The following LVRN variants were observed in gnomAD, a reference collection of about 807,000 sequenced individuals.
The protein encoded by LVRN is aminopeptidase Q.
In LVRN, 99 loss-of-function variants were observed where a neutral mutation model predicts 111.4. That is an observed-to-expected ratio of 0.89 (90% CI 0.76 to 1.05). The LOEUF (loss-of-function observed/expected upper bound fraction) is 1.05, where lower values mean the gene tolerates loss of function less well. LVRN is among the 50% of genes least tolerant of loss of function. The pLI, the probability that LVRN is intolerant of heterozygous loss-of-function variation, is 0.00. For synonymous variants in LVRN, 488 were observed against 449.5 expected, an observed-to-expected ratio of 1.09 and a Z score of -1.08; for missense variants, 1,414 against 1,206.8, an observed-to-expected ratio of 1.17 and a Z score of -2.54.
intron 13 of LVRN, among the ~76,000 whole-genome samples, chr5:116,008,114 G>T (rs1389854819): frequency 6.6e-6 from 1 of 152,126 alleles, no homozygotes; most frequent in Non-Finnish European, 1.5e-5. Flanking sequence ...GGCCGAGGCG[G>T]GTGGATCACG....
intron 1 of LVRN, among the ~76,000 whole-genome samples, chr5:115,969,182 T>C (rs1753267045): frequency 6.6e-6 from 1 of 152,236 alleles, no homozygotes; most frequent in African/African-American, 2.4e-5. Context: ...AGCCCTGGTT[T>C]ATCCTGTTTT....
chr5:116,023,837 T>C (rs943901001), intron 19 of LVRN, among the ~76,000 whole-genome samples: 2 of 152,170 alleles, frequency 1.3e-5, no homozygotes, highest in African/African-American at 4.8e-5. Flanking sequence ...GAATGTAACA[T>C]GGCACAAGCA....
In LVRN at chr5:116,015,722, G is replaced by A. The variant is rs138090918; in HGVS notation, c.2713G>A (p.Ala905Thr). 8.7e-6 allele frequency: 14 copies of A among 1,613,116 alleles called. No homozygotes were observed. Among genetic ancestry groups the A allele is most frequent in the Admixed American group, 3.3e-5 (2 of 59,928 alleles). ...TTCATCTGAAGTTGGCCGGTATGTC[G>A]CAAAAGACTTCTTAGTCAACAACTG... ...VASSEVGRYV[A>T]KDFLVNNWQA... The change falls in exon 18 of 20, where the codon GCA becomes ACA. Residue 905 changes from alanine (A) to threonine (T), a missense_variant. Transcript: ENST00000357872.
intron 1 of LVRN, among the ~76,000 whole-genome samples, chr5:115,968,432 C>T (rs891180111): frequency 1.6e-5 from 2 of 124,914 alleles, no homozygotes; most frequent in African/African-American, 6.3e-5. Context: ...CCTTAGTTCC[C>T]CACCCTTTTT....
intron 18 of LVRN, among the ~76,000 whole-genome samples, chr5:116,020,481 A>T (rs1017391189): frequency 1.3e-5 from 2 of 152,238 alleles, no homozygotes; most frequent in South Asian, 2.1e-4. Context: ...AACCTGTCCA[A>T]AATGAATCTT....
At chr5:116,021,864 A>G (rs1247787392) in intron 18 of LVRN, 13 of 346,634 alleles carry the variant, frequency 3.8e-5, no homozygotes, top group South Asian at 2.2e-4. Context: ...GACCACGCCT[A>G]TTGAAACAAG....
intron 1 of LVRN, among the ~76,000 whole-genome samples, chr5:115,971,444 T>G (rs1238669636): frequency 1.3e-5 from 2 of 152,122 alleles, no homozygotes. Context: ...ATGCCTTCTT[T>G]CAGAAGTTTT....
intron 19 of LVRN, among the ~76,000 whole-genome samples, chr5:116,024,374 ATATGATCCT>A (rs1418105234): frequency 6.6e-6 from 1 of 152,148 alleles, no homozygotes; most frequent in Non-Finnish European, 1.5e-5. Context: ...AAGGCCTGAA[ATATGATCCT>A]AAGCAAAAAA....
chr5:115,977,245 G>C (rs1200721940), intron 1 of LVRN, among the ~76,000 whole-genome samples: 1 of 152,142 alleles, frequency 6.6e-6, no homozygotes, highest in East Asian at 1.9e-4. Flanking sequence ...AATTCTAGCT[G>C]TCTAGGTGTC....
At position 115,981,350 on chromosome 5, in the gene LVRN, C is replaced by A. The variant is rs553563069; in HGVS notation, c.696-1937C>A. 1.4e-4 allele frequency among the ~76,000 whole-genome samples: 21 copies of A among 152,296 alleles called. No individual in the cohort carries two copies. The East Asian group carries it at 3.9e-3, about 28-fold the overall frequency. The stretch of plus-strand genomic sequence containing the variant: ...CAGAAGAAAAAGATACATAACCTCT[C>A]ATTTCTAGCAGTTTCAAATTTACCA... On this transcript the variant is annotated intron_variant, in intron 1 of 19. Transcript: ENST00000357872.
rs1477754382 is a variant in LVRN, at chr5:115,964,407, T to G, written c.695+1095T>G. On this transcript the variant is annotated intron_variant, in intron 1 of 19. Transcript: ENST00000357872. Reference sequence around the variant, plus strand: ...CTCTAGTGGATGTATAATCTGTAACTTTTGTTTTTAAGGGCAGCGTGCTTG... The same window carrying G: ...CTCTAGTGGATGTATAATCTGTAACGTTTGTTTTTAAGGGCAGCGTGCTTG... Among the ~76,000 whole-genome samples, 7 of 152,324 alleles carry G rather than the reference T, an allele frequency of 4.6e-5. No individual in the cohort carries two copies. In the East Asian group the frequency reaches 1.2e-3, roughly 25 times the overall value.
chr5:115,976,528 T>G (rs1404568341), intron 1 of LVRN, among the ~76,000 whole-genome samples: 1 of 152,228 alleles, frequency 6.6e-6, no homozygotes, highest in African/African-American at 2.4e-5. Context: ...GACACAAACT[T>G]ATTACTTTAA....
chr5:116,010,610 C>T (rs766154391), intron 13 of LVRN, 131 bp from the exon 14 acceptor site: 12 of 946,850 alleles, frequency 1.3e-5, no homozygotes, highest in Middle Eastern at 2.1e-4. Context: ...GGGACATTTA[C>T]CTTCTCGTTT....
At chr5:116,002,320 C>A (rs1001775007) in intron 10 of LVRN, among the ~76,000 whole-genome samples, 2 of 152,190 alleles carry the variant, frequency 1.3e-5, no homozygotes, top group African/African-American at 4.8e-5. Context: ...ATCCAGGTAG[C>A]GTCCAGCAAT....
At chr5:115,984,840 A>G (rs534041895) in intron 3 of LVRN, 131 bp downstream of exon 3, 3 of 1,279,584 alleles carry the variant, frequency 2.3e-6, no homozygotes, top group South Asian at 3.1e-5. Flanking sequence ...CAAGCCCTGT[A>G]AAAGTTCTTA....
At chr5:116,024,847 C>G (rs926162919) in intron 19 of LVRN, among the ~76,000 whole-genome samples, 1 of 152,098 alleles carries the variant, frequency 6.6e-6, no homozygotes, top group African/African-American at 2.4e-5. Context: ...TAAGGTCCAG[C>G]GGTCCTGCTA....
At chr5:115,995,719 T>G (rs1423756495) in intron 6 of LVRN, among the ~76,000 whole-genome samples, 1 of 152,206 alleles carries the variant, frequency 6.6e-6, no homozygotes, top group African/African-American at 2.4e-5. Context: ...ACATACATCA[T>G]CTTACTCAGT....
At chr5:115,968,675 G>A (rs1044465444) in intron 1 of LVRN, among the ~76,000 whole-genome samples, 15 of 152,050 alleles carry the variant, frequency 9.9e-5, no homozygotes, top group African/African-American at 3.4e-4. Context: ...GGAAGGTGGG[G>A]GAAGACAGAG....
intron 19 of LVRN, among the ~76,000 whole-genome samples, chr5:116,024,613 T>A (rs932447359): frequency 6.6e-6 from 1 of 152,188 alleles, no homozygotes; most frequent in East Asian, 1.9e-4. Context: ...TGTTTCTGTC[T>A]TCTAAAATTC....
Sources: gnomAD v4.1 joint callset for allele counts (sites outside exome capture counted in the v4.1 genomes callset) on GRCh38, gnomAD v4.1.1 for gene constraint, MANE v1.5 for transcripts, NCBI Gene and HGNC (gene_info 2026-07-23, HGNC 2026-07-21) for gene names.